Variants in RIMBP3B observed in about 807,000 individuals in gnomAD.
RIMBP3B encodes the protein RIMS-binding protein 3B.
At chr22:21,388,510 TC>T in the RIMBP3B span, 1 of 1,611,882 alleles carries the variant, frequency 6.2e-7, no homozygotes, top group South Asian at 1.1e-5. Flanking sequence ...GGGCTCACCA[TC>T]CCCCAGGGTT....
the RIMBP3B span, chr22:21,388,294 TG>T: frequency 1.3e-6 from 1 of 783,732 alleles, no homozygotes; most frequent in Non-Finnish European, 2.1e-6. Flanking sequence ...GAGGAGGAGC[TG>T]GTCTTCCAGA....
chr22:21,388,339 A>AC, the RIMBP3B span: 1,980 of 1,020,886 alleles, frequency 1.9e-3, 1 homozygote, highest in African/African-American at 0.035. Flanking sequence ...GGCTCTCAGG[A>AC]CACCCATGAT....
the RIMBP3B span, chr22:21,388,489 AG>A: frequency 6.2e-7 from 1 of 1,611,790 alleles, no homozygotes; most frequent in Non-Finnish European, 8.5e-7. Context: ...GCCCACCTCG[AG>A]GACTTTCAGG....
chr22:21,388,406 TGA>T, the RIMBP3B span: 59 of 1,541,900 alleles, frequency 3.8e-5, no homozygotes, highest in African/African-American at 2.7e-5. Flanking sequence ...GCCTAGTGGC[TGA>T]GATGGAGGTG....
the RIMBP3B span, chr22:21,387,628 TGTCCAACCTG>T: frequency 1.0e-5 from 1 of 100,394 alleles, no homozygotes. Context: ...CAATCCCCAG[TGTCCAACCTG>T]GGCTCAGAAG....
chr22:21,388,308 AG>A, the RIMBP3B span: 1 of 868,910 alleles, frequency 1.2e-6, no homozygotes, highest in South Asian at 1.5e-5. Context: ...CTTCCAGAAA[AG>A]GCAGTTGCTA....
Position 21,387,106 on chromosome 22 carries a change from C to T in RIMBP3B, c.3248C>T (p.Ala1083Val). 3.4e-6 allele frequency: 2 copies of T among 586,062 alleles called. 1 individual carries two copies. The highest frequency in any genetic ancestry group is 5.3e-6 in the Non-Finnish European group (2 of 379,182). The allele number at this position is 586,062 out of a possible 1,614,324, so 36.3% of individuals were successfully genotyped here. A position where few individuals can be genotyped will look rare whatever the true frequency, so the allele number is the denominator to read the frequency against. The change falls in exon 1 of 1, where the codon GCA becomes GTA. Residue 1083 changes from alanine (A) to valine (V), a missense_variant. Physicochemically the swap from Ala to Val is moderately conservative, Grantham distance 64. Coordinates refer to ENST00000620804, the Ensembl canonical transcript of RIMBP3B. ...ACCGTCACCTTCGACACACTCTTGG[C>T]AGGACCTCCCTACCCACCGCTGGAG...
At position 21,388,856 on chromosome 22, in the gene RIMBP3B, A is replaced by AGG. The variant is rs1922285472; in HGVS notation, c.*78_*79insGG. On this transcript the variant is annotated 3_prime_UTR_variant, in exon 1 of 1. Transcript: ENST00000620804. ...GAGAAGCAAGCGTTCAGACCCTCAC[A>AGG]CCAGCACCCCTCCTCACCACCATAA... is the stretch of plus-strand genomic sequence containing the variant. The AGG allele has an allele frequency of 1.3e-5, 6 of 453,184 alleles. No individual in the cohort carries two copies. The East Asian group carries it at 1.9e-4, about 15-fold the overall frequency. 28.1% of individuals were successfully genotyped at this position (453,184 alleles called of 1,614,324 possible).
the RIMBP3B span, chr22:21,387,396 C>T: frequency 5.1e-6 from 1 of 196,984 alleles, no homozygotes; most frequent in South Asian, 2.3e-5. Context: ...AGTGCCTGCT[C>T]AGATCCCCGA....
chr22:21,388,142 TC>T, the RIMBP3B span: 1 of 477,058 alleles, frequency 2.1e-6, no homozygotes. Flanking sequence ...CGGCACTGTG[TC>T]CAGCTCCATC....
At chr22:21,387,063 TG>T in the RIMBP3B span, 1 of 324,628 alleles carries the variant, frequency 3.1e-6, no homozygotes, top group South Asian at 1.9e-5. Context: ...GCAGGTGTAT[TG>T]GGGAACTATG....
At chr22:21,388,403 GGCT>G in exon 1 of RIMBP3B, 1 of 1,546,798 alleles carries the variant, frequency 6.5e-7, no homozygotes, top group Non-Finnish European at 8.8e-7. Context: ...GGCGCCTAGT[GGCT>G]GAGATGGAGG....
chr22:21,388,147 CT>C, the RIMBP3B span: 1 of 480,906 alleles, frequency 2.1e-6, no homozygotes, highest in South Asian at 2.1e-5. Flanking sequence ...CTGTGTCCAG[CT>C]CCATCCGCCA....
At chr22:21,386,814 CT>C in the RIMBP3B span, 2 of 188,060 alleles carry the variant, frequency 1.1e-5, 1 homozygote, top group South Asian at 4.9e-5. Context: ...CAGACCCCTT[CT>C]GGGGACCAAA....
At chr22:21,388,254 CT>C in the RIMBP3B span, 2 of 641,240 alleles carry the variant, frequency 3.1e-6, no homozygotes, top group African/African-American at 2.5e-5. Context: ...TTACAACCCC[CT>C]GGTGATGTCT....
At chr22:21,388,671 GT>G in the RIMBP3B span, 5 of 1,162,170 alleles carry the variant, frequency 4.3e-6, no homozygotes, top group Non-Finnish European at 6.0e-6. Context: ...CGTGGTCATG[GT>G]TTACGGGCCC....
rs758694960 is a variant in RIMBP3B at position 21,387,148 on chromosome 22, A to C, written c.3290A>C (p.His1097Pro). ...CCGCTGGAGGTGCTGGTGGAGCGCC[A>C]TGCCTCGCCAGGTGTCCTGGTGGTC... Residue 1097 changes from histidine to proline, a missense_variant, in exon 1 of 1, where the codon CAT (histidine) becomes CCT (proline). Coordinates refer to ENST00000620804, the Ensembl canonical transcript of RIMBP3B. 5.0e-6 allele frequency: 3 copies of C among 601,600 alleles called. 1 individual carries two copies. In the East Asian group the frequency reaches 7.9e-5, roughly 16 times the overall value. 37.3% of individuals were successfully genotyped at this position (601,600 alleles called of 1,614,324 possible). A position where few individuals can be genotyped will look rare whatever the true frequency, so the allele number is the denominator to read the frequency against.
Position 21,387,147 on chromosome 22 carries a change from C to T in RIMBP3B, c.3289C>T (p.His1097Tyr). The change falls in exon 1 of 1, where the codon CAT becomes TAT. Residue 1097 changes from histidine to tyrosine, a missense_variant. Coordinates refer to ENST00000620804, the Ensembl canonical transcript of RIMBP3B. The stretch of plus-strand genomic sequence containing the variant: ...ACCGCTGGAGGTGCTGGTGGAGCGC[C>T]ATGCCTCGCCAGGTGTCCTGGTGGT... 3.3e-6 allele frequency: 2 copies of T among 603,318 alleles called. 1 individual carries two copies. Among genetic ancestry groups the T allele is most frequent in the Non-Finnish European group, 5.2e-6 (2 of 387,912 alleles). 37.4% of individuals were successfully genotyped at this position (603,318 alleles called of 1,614,324 possible).
chr22:21,388,235 CCT>C, the RIMBP3B span: 1 of 604,220 alleles, frequency 1.7e-6, no homozygotes, highest in Non-Finnish European at 2.9e-6. Flanking sequence ...TCTTTGTGGC[CCT>C]CTCTGATTAC....
Sources: gnomAD v4.1 joint callset for allele counts on GRCh38, gnomAD v4.1.1 for gene constraint, MANE v1.5 for transcripts, NCBI Gene and HGNC (gene_info 2026-07-23, HGNC 2026-07-21) for gene names.